SNTG1: variants seen among roughly 807,000 people sequenced by gnomAD.
The protein encoded by SNTG1 is gamma-1-syntrophin.
A neutral mutation model predicts 74.7 loss-of-function variants in SNTG1; 39 were observed. That is an observed-to-expected ratio of 0.52 (90% CI 0.40 to 0.68). The LOEUF is 0.68. Ranked by LOEUF, SNTG1 falls within the 30% of genes least tolerant of loss-of-function variation. The pLI is 0.00. For synonymous variants in SNTG1, 254 were observed against 217.1 expected (o/e 1.17, Z -1.49); for missense variants, 685 against 609.5 (o/e 1.12, Z -1.30).
At chr8:50,344,001 T>A (rs760752922) in intron 2 of SNTG1, among the ~76,000 whole-genome samples, 1 of 152,184 alleles carries the variant, frequency 6.6e-6, no homozygotes, top group Non-Finnish European at 1.5e-5. Context: ...CTGGCTTTTC[T>A]CTTTACTGAC....
At chr8:50,026,258 T>C (rs1817252745) in intron 1 of SNTG1, among the ~76,000 whole-genome samples, 1 of 152,200 alleles carries the variant, frequency 6.6e-6, no homozygotes, top group African/African-American at 2.4e-5. Context: ...TAAAAATGTC[T>C]TTAGAAATGT....
At chr8:50,478,968 C>A (rs1251616310) in intron 8 of SNTG1, among the ~76,000 whole-genome samples, 4 of 152,032 alleles carry the variant, frequency 2.6e-5, no homozygotes, top group Non-Finnish European at 5.9e-5. Context: ...TAAGTAAATA[C>A]AAACTTCCAA....
chr8:49,981,052 A>C (rs1274935213), intron 1 of SNTG1, among the ~76,000 whole-genome samples: 1 of 152,200 alleles, frequency 6.6e-6, no homozygotes, highest in Non-Finnish European at 1.5e-5. Flanking sequence ...GCTAAATAAT[A>C]GATGCAGATG....
At chr8:50,584,842 C>T (rs1015755287) in intron 12 of SNTG1, among the ~76,000 whole-genome samples, 3 of 152,018 alleles carry the variant, frequency 2.0e-5, no homozygotes, top group African/African-American at 4.8e-5. Context: ...ATGAAGTCCC[C>T]GCAGATGGAG....
At chr8:50,130,807 C>G (rs903639511) in intron 1 of SNTG1, among the ~76,000 whole-genome samples, 3 of 151,942 alleles carry the variant, frequency 2.0e-5, no homozygotes, top group Non-Finnish European at 4.4e-5. Flanking sequence ...CTACATAAAA[C>G]AGAAGCAAAT....
At position 49,919,875 on chromosome 8, in the gene SNTG1, C is replaced by T. The variant is rs540350873; in HGVS notation, c.-103+7644C>T. Among the ~76,000 whole-genome samples, 58 of 152,058 alleles carry T rather than the reference C, an allele frequency of 3.8e-4. No homozygotes were observed. In the South Asian group the frequency reaches 0.012, roughly 30 times the overall value. Reference sequence around the variant, plus strand: ...TTTAATCTTGAAGAAGTAAAACTCCCGAAAGTAGATTAATCTACTTGTGTA... The same window carrying T: ...TTTAATCTTGAAGAAGTAAAACTCCTGAAAGTAGATTAATCTACTTGTGTA... On this transcript the variant is annotated intron_variant, in intron 1 of 18. Coordinates refer to ENST00000642720, the MANE Select transcript of SNTG1 (RefSeq NM_018967.5).
intron 1 of SNTG1, among the ~76,000 whole-genome samples, chr8:50,125,945 G>A (rs2081125010): frequency 6.6e-6 from 1 of 152,118 alleles, no homozygotes; most frequent in Non-Finnish European, 1.5e-5. Flanking sequence ...ATTACTGTTG[G>A]TGGAATTCTG....
intron 1 of SNTG1, among the ~76,000 whole-genome samples, chr8:50,059,880 T>G (rs973799432): frequency 3.9e-5 from 6 of 152,220 alleles, no homozygotes; most frequent in African/African-American, 1.4e-4. Flanking sequence ...TGCTGGACCA[T>G]ATGGTAACTC....
chr8:50,103,821 T>C (rs1355176074), intron 1 of SNTG1, among the ~76,000 whole-genome samples: 1 of 152,254 alleles, frequency 6.6e-6, no homozygotes, highest in East Asian at 1.9e-4. Flanking sequence ...GAGATAGTCA[T>C]GTGGTTTTTG....
Position 50,794,818 on chromosome 8 carries a change from A to G in SNTG1, c.*1989A>G, listed in dbSNP as rs1424718698. The G allele has an allele frequency of 6.6e-6, 1 of 152,058 alleles. No individual in the cohort carries two copies. The highest frequency in any genetic ancestry group is 2.4e-5 in the African/African-American group (1 of 41,442). 9.4% of individuals were successfully genotyped at this position (152,058 alleles called of 1,614,324 possible). ...GGGCTAATTATCCATAAGCAAAAGAAAAACGTTTCAACAGTTTACCTACCT... is the reference window on the plus strand; with the variant it reads ...GGGCTAATTATCCATAAGCAAAAGAGAAACGTTTCAACAGTTTACCTACCT... On this transcript the variant is annotated 3_prime_UTR_variant, in exon 19 of 19. Transcript: ENST00000642720.
intron 13 of SNTG1, among the ~76,000 whole-genome samples, chr8:50,591,625 C>T (rs1186079133): frequency 6.6e-6 from 1 of 152,164 alleles, no homozygotes; most frequent in Non-Finnish European, 1.5e-5. Flanking sequence ...CTATCATTAT[C>T]ATCAAAGTTT....
In SNTG1 at chr8:50,488,782, TC is replaced by T. The variant is rs563208258; in HGVS notation, c.364-13995del. 5.1e-4 allele frequency among the ~76,000 whole-genome samples: 77 copies of T among 151,776 alleles called. 1 individual carries two copies. The highest frequency in any genetic ancestry group is 2.7e-3 in the South Asian group (13 of 4,818). On this transcript the variant is annotated intron_variant, in intron 8 of 18. Transcript: ENST00000642720. Reference sequence around the variant, plus strand: ...TCATTAATAAATAAATGTAATGTAGTCTTTTTTTATTACACTTTAAGTTCTG... The same window carrying T: ...TCATTAATAAATAAATGTAATGTAGTTTTTTTTATTACACTTTAAGTTCTG...
intron 9 of SNTG1, among the ~76,000 whole-genome samples, chr8:50,510,184 T>A (rs1359453032): frequency 1.3e-5 from 2 of 152,206 alleles, no homozygotes; most frequent in African/African-American, 4.8e-5. Flanking sequence ...ATATGGTTTT[T>A]GTTGTTGGTT....
chr8:50,709,294 C>T, intron 17 of SNTG1: 2 of 357,942 alleles, frequency 5.6e-6, no homozygotes, highest in Non-Finnish European at 9.9e-6. Context: ...CATTTTCTTC[C>T]CCAAAAAGCA....
In SNTG1 at chr8:50,589,910, T is replaced by C. The variant is rs138169254; in HGVS notation, c.811-969T>C. On this transcript the variant is annotated intron_variant, in intron 12 of 18. Transcript: ENST00000642720. ...TAATGTAAGAAGTACATGGTTTCTG[T>C]ACCTAACCTTGCTCAGATCACACAT... 8.0e-3 allele frequency among the ~76,000 whole-genome samples: 1,219 copies of C among 152,336 alleles called. 15 individuals carry two copies. The highest frequency in any genetic ancestry group is 0.027 in the African/African-American group (1,112 of 41,588).
chr8:50,653,689 C>G (rs2095162750), intron 13 of SNTG1, among the ~76,000 whole-genome samples: 1 of 152,118 alleles, frequency 6.6e-6, no homozygotes, highest in Non-Finnish European at 1.5e-5. Context: ...TAAGTGATTA[C>G]CTGAAAGATC....
intron 1 of SNTG1, among the ~76,000 whole-genome samples, chr8:50,016,007 A>G (rs966957553): frequency 6.6e-6 from 1 of 152,108 alleles, no homozygotes; most frequent in Non-Finnish European, 1.5e-5. Flanking sequence ...GATGAATGTC[A>G]GCTGCAGGCC....
chr8:50,366,341 A>G (rs2092109208), intron 2 of SNTG1, among the ~76,000 whole-genome samples: 3 of 152,246 alleles, frequency 2.0e-5, no homozygotes, highest in East Asian at 1.9e-4. Flanking sequence ...TCTTTACCCA[A>G]TAGCCTTTTT....
intron 17 of SNTG1, among the ~76,000 whole-genome samples, chr8:50,722,390 G>A (rs1190260648): frequency 6.6e-6 from 1 of 151,868 alleles, no homozygotes; most frequent in Non-Finnish European, 1.5e-5. Context: ...TGGCCAGGCT[G>A]ATTCTGAACT....
Sources: gnomAD v4.1 joint callset for allele counts (sites outside exome capture counted in the v4.1 genomes callset) on GRCh38, gnomAD v4.1.1 for gene constraint, MANE v1.5 for transcripts, NCBI Gene and HGNC (gene_info 2026-07-23, HGNC 2026-07-21) for gene names.